The following USP46 variants were observed in gnomAD, a reference collection of about 807,000 sequenced individuals.
USP46 encodes ubiquitin specific peptidase 46.
In USP46, 12 loss-of-function variants were observed where a neutral mutation model predicts 44.4. That is an observed-to-expected ratio of 0.27 (90% confidence interval 0.17 to 0.44). USP46 has a LOEUF of 0.44. Ranked by LOEUF, USP46 falls within the 20% of genes least tolerant of loss-of-function variation. The pLI is 1.00. For synonymous variants in USP46, 155 were observed against 161.5 expected, an observed-to-expected ratio of 0.96 and a Z score of 0.31; for missense variants, 248 against 444.8, an observed-to-expected ratio of 0.56 and a Z score of 3.98.
intron 7 of USP46, among the ~76,000 whole-genome samples, chr4:52,600,431 C>T (rs1401594400): frequency 2.0e-5 from 3 of 152,158 alleles, no homozygotes; most frequent in African/African-American, 7.2e-5. Context: ...GAGAACAATG[C>T]TACTTCTGTG....
intron 1 of USP46, among the ~76,000 whole-genome samples, chr4:52,631,436 A>G (rs1717822389): frequency 6.6e-6 from 1 of 152,256 alleles, no homozygotes; most frequent in Non-Finnish European, 1.5e-5. Flanking sequence ...ACAATCGCCA[A>G]GAACTTCTGA....
intron 4 of USP46, among the ~76,000 whole-genome samples, chr4:52,611,657 C>G (rs1166025906): frequency 6.6e-6 from 1 of 152,098 alleles, no homozygotes; most frequent in Admixed American, 6.5e-5. Context: ...GAGACTGAGG[C>G]AGGTGGATCA....
intron 1 of USP46, among the ~76,000 whole-genome samples, chr4:52,632,973 AAAGAAAGAAAGAAAAGAAAAGAAAG>A (rs1717934401): frequency 4.8e-5 from 4 of 83,956 alleles, no homozygotes; most frequent in African/African-American, 2.3e-4. Flanking sequence ...AGAAAGAAAG[AAAGAAAGAAAGAAAAGAAAAGAAAG>A]AAAGAAAGAA....
chr4:52,609,742 T>C (rs375649644), intron 5 of USP46, among the ~76,000 whole-genome samples: 2 of 151,912 alleles, frequency 1.3e-5, no homozygotes, highest in African/African-American at 4.8e-5. Context: ...GAGTTGAATA[T>C]GTTTAAAGGG....
intron 1 of USP46, among the ~76,000 whole-genome samples, chr4:52,644,547 T>C (rs192639611): frequency 1.2e-4 from 19 of 152,086 alleles, no homozygotes; most frequent in African/African-American, 4.1e-4. Flanking sequence ...TGAACTCTAT[T>C]GTGAACTGCG....
intron 1 of USP46, among the ~76,000 whole-genome samples, chr4:52,641,066 T>C (rs952573894): frequency 2.0e-4 from 31 of 151,944 alleles, no homozygotes; most frequent in Non-Finnish European, 1.2e-4. Context: ...GAAGCAAAAC[T>C]GGGAATGTTA....
intron 1 of USP46, among the ~76,000 whole-genome samples, chr4:52,650,654 T>C (rs185096821): frequency 6.6e-6 from 1 of 152,366 alleles, no homozygotes; most frequent in East Asian, 1.9e-4. Context: ...TATTTTTTCA[T>C]GCTTTTTTGT....
At chr4:52,657,040 CA>C (rs959028429) in intron 1 of USP46, among the ~76,000 whole-genome samples, 336 of 29,254 alleles carry the variant, frequency 0.011, 1 homozygote, top group African/African-American at 0.029. Context: ...GAGACCTTGT[CA>C]AAAAAAAAAA....
rs2109594447 is a variant in USP46 at position 52,601,843 on chromosome 4, A to G, written c.920+14T>C. 2 of 1,610,944 alleles carry G rather than the reference A, an allele frequency of 1.2e-6. No homozygotes were observed. Among genetic ancestry groups the G allele is most frequent in the South Asian group, 2.2e-5 (2 of 90,582 alleles). On this transcript the variant is annotated intron_variant, in intron 7 of 8. Transcript: ENST00000441222. ...ACACTTACCCTGTATACCTGCTTCC[A>G]GTCTTGCCCTTACCTGCCACAGTGA...
At chr4:52,607,840 C>T in intron 5 of USP46, among the ~76,000 whole-genome samples, 1 of 152,194 alleles carries the variant, frequency 6.6e-6, no homozygotes, top group East Asian at 1.9e-4. Flanking sequence ...TTTCCTGAGG[C>T]TTCCTCAGAA....
At chr4:52,649,292 A>C (rs933095546) in intron 1 of USP46, among the ~76,000 whole-genome samples, 2 of 152,254 alleles carry the variant, frequency 1.3e-5, no homozygotes, top group African/African-American at 4.8e-5. Flanking sequence ...ACTAACAAGC[A>C]TGAAGGCATC....
chr4:52,645,248 A>T (rs962002749), intron 1 of USP46, among the ~76,000 whole-genome samples: 3 of 151,628 alleles, frequency 2.0e-5, no homozygotes, highest in Non-Finnish European at 4.4e-5. Context: ...AAAAAAGAAA[A>T]CCTCAACATG....
chr4:52,657,079 C>T (rs1718982441), intron 1 of USP46, among the ~76,000 whole-genome samples: 1 of 150,598 alleles, frequency 6.6e-6, no homozygotes, highest in Non-Finnish European at 1.5e-5. Flanking sequence ...AGGACCTGAA[C>T]CCAGGAAGTC....
intron 1 of USP46, among the ~76,000 whole-genome samples, chr4:52,634,123 T>C (rs1164710393): frequency 6.6e-6 from 1 of 151,812 alleles, no homozygotes; most frequent in East Asian, 1.9e-4. Context: ...TTTTTTCTTT[T>C]TTTTTTTTTG....
At chr4:52,600,043 C>T (rs1488667666) in intron 7 of USP46, among the ~76,000 whole-genome samples, 2 of 152,210 alleles carry the variant, frequency 1.3e-5, no homozygotes, top group Non-Finnish European at 2.9e-5. Flanking sequence ...CCTCATCTCC[C>T]TGCTTATTCC....
At chr4:52,633,002 G>GAAAGAAAGAA (rs1267677866) in intron 1 of USP46, among the ~76,000 whole-genome samples, 1 of 117,026 alleles carries the variant, frequency 8.5e-6, no homozygotes, top group Non-Finnish European at 1.8e-5. Context: ...AAGAAAGAAA[G>GAAAGAAAGAA]AAAGAAAGAA....
intron 4 of USP46, 121 bp from the exon 5 acceptor site, chr4:52,610,738 G>A: frequency 1.1e-6 from 1 of 887,802 alleles, no homozygotes; most frequent in Non-Finnish European, 1.8e-6. Flanking sequence ...GTCCTGCATG[G>A]ACATGTATAC....
chr4:52,623,049 G>T (rs1717437773), intron 4 of USP46, among the ~76,000 whole-genome samples: 1 of 152,190 alleles, frequency 6.6e-6, no homozygotes, highest in African/African-American at 2.4e-5. Context: ...AAAAAACAGA[G>T]AATCCAGTAG....
chr4:52,637,542 T>C (rs537780265), intron 1 of USP46, among the ~76,000 whole-genome samples: 1 of 152,308 alleles, frequency 6.6e-6, no homozygotes, highest in African/African-American at 2.4e-5. Context: ...CTATGGGTCA[T>C]GCCGACATCG....
Sources: allele counts gnomAD v4.1 joint callset (sites outside exome capture counted in the v4.1 genomes callset), GRCh38; gene constraint gnomAD v4.1.1; transcripts MANE v1.5; gene names NCBI Gene and HGNC (gene_info 2026-07-23, HGNC 2026-07-21).